Variants in ARHGAP26 observed in about 807,000 individuals in gnomAD.
The protein encoded by ARHGAP26 is Rho GTPase activating protein 26.
Under a neutral mutation model 104.8 loss-of-function variants are expected in ARHGAP26, and 38 were observed. That is an observed-to-expected ratio of 0.36 (90% CI 0.28 to 0.48). The LOEUF is 0.48. Ranked by LOEUF, ARHGAP26 falls within the 20% of genes least tolerant of loss-of-function variation. ARHGAP26 has a pLI of 0.99. For missense variants in ARHGAP26, 704 were observed against 947.9 expected (o/e 0.74, Z 3.38); for synonymous variants, 341 against 340.0 (o/e 1.00, Z -0.03).
At chr5:143,058,592 A>G (rs1786214831) in intron 17 of ARHGAP26, among the ~76,000 whole-genome samples, 2 of 152,224 alleles carry the variant, frequency 1.3e-5, no homozygotes, top group Admixed American at 6.5e-5. Flanking sequence ...GTTAACCTAA[A>G]TTATTAAACC....
intron 17 of ARHGAP26, among the ~76,000 whole-genome samples, chr5:143,097,645 C>T (rs1792588756): frequency 6.6e-6 from 1 of 151,750 alleles, no homozygotes; most frequent in Non-Finnish European, 1.5e-5. Context: ...ACGGTGAAAC[C>T]CCGTCTCTAC....
chr5:142,832,740 C>A, intron 1 of ARHGAP26, among the ~76,000 whole-genome samples: 1 of 152,194 alleles, frequency 6.6e-6, no homozygotes, highest in South Asian at 2.1e-4. Flanking sequence ...TTACAAAGAT[C>A]ATGAAGAGCT....
At chr5:142,870,451 G>T (rs1163007684) in intron 1 of ARHGAP26, among the ~76,000 whole-genome samples, 3 of 152,196 alleles carry the variant, frequency 2.0e-5, no homozygotes, top group Non-Finnish European at 4.4e-5. Flanking sequence ...GTGGTATGGT[G>T]TTCCCACATA....
chr5:143,030,597 A>G (rs1037771126), intron 12 of ARHGAP26, among the ~76,000 whole-genome samples: 1 of 147,866 alleles, frequency 6.8e-6, no homozygotes, highest in African/African-American at 2.7e-5. Context: ...CCTTTATATC[A>G]TCACAAAAAA....
chr5:143,046,339 C>T (rs942538701), intron 14 of ARHGAP26, among the ~76,000 whole-genome samples: 6 of 152,118 alleles, frequency 3.9e-5, no homozygotes, highest in Admixed American at 1.3e-4. Context: ...AAACCAGAGA[C>T]TTTTTTTGAA....
At chr5:142,825,565 A>G (rs576149158) in intron 1 of ARHGAP26, among the ~76,000 whole-genome samples, 17 of 152,158 alleles carry the variant, frequency 1.1e-4, no homozygotes, top group Non-Finnish European at 2.2e-4. Flanking sequence ...AGGCTCCTTG[A>G]TTTAATTTGT....
At chr5:143,029,117 T>A (rs1781483976) in intron 12 of ARHGAP26, among the ~76,000 whole-genome samples, 1 of 152,186 alleles carries the variant, frequency 6.6e-6, no homozygotes. Context: ...GCCCTTCTAG[T>A]CTTCCCTCTG....
At chr5:142,894,166 T>G (rs1759134644) in intron 5 of ARHGAP26, 72 bp from the exon 6 acceptor site, 5 of 1,259,670 alleles carry the variant, frequency 4.0e-6, no homozygotes, top group African/African-American at 3.0e-5. Flanking sequence ...ATTTTTTTTT[T>G]CTGACCTGCT....
chr5:143,012,556 T>TATATATATATATATACAC (rs1554195661), intron 11 of ARHGAP26, among the ~76,000 whole-genome samples: 1 of 59,110 alleles, frequency 1.7e-5, no homozygotes, highest in Non-Finnish European at 4.1e-5. Context: ...TACATACATA[T>TATATATATATATATACAC]ATATATATAT....
At chr5:142,870,205 T>C (rs952725828) in intron 1 of ARHGAP26, among the ~76,000 whole-genome samples, 1 of 152,182 alleles carries the variant, frequency 6.6e-6, no homozygotes, top group Non-Finnish European at 1.5e-5. Flanking sequence ...GCCTCTTCTC[T>C]TTTCTCTCTC....
At chr5:142,878,222 T>C (rs1756403264) in intron 3 of ARHGAP26, among the ~76,000 whole-genome samples, 1 of 152,218 alleles carries the variant, frequency 6.6e-6, no homozygotes, top group Non-Finnish European at 1.5e-5. Flanking sequence ...AATAATTAGT[T>C]GAGCGAAGAG....
At chr5:143,206,901 C>T (rs1216102659) in intron 20 of ARHGAP26, among the ~76,000 whole-genome samples, 2 of 152,216 alleles carry the variant, frequency 1.3e-5, no homozygotes, top group African/African-American at 4.8e-5. Flanking sequence ...AACTCATGTG[C>T]GTGGGCTCAG....
rs564844105 is a variant in ARHGAP26 at position 142,861,539 on chromosome 5, C to T, written c.155-11861C>T. On this transcript the variant is annotated intron_variant, in intron 1 of 22. Coordinates refer to ENST00000645722, the MANE Select transcript of ARHGAP26 (RefSeq NM_001135608.3). ...GGATTCAGTTTTGATCCTAATTATG[C>T]TGTGTGGACTGACGGTGAGGAGGGC... Among the ~76,000 whole-genome samples the T allele has an allele frequency of 2.3e-4, 35 of 152,180 alleles. 1 individual carries two copies. Among genetic ancestry groups the T allele is most frequent in the African/African-American group, 8.4e-4 (35 of 41,534 alleles).
At chr5:142,990,439 A>T (rs1775418971) in intron 11 of ARHGAP26, among the ~76,000 whole-genome samples, 1 of 152,138 alleles carries the variant, frequency 6.6e-6, no homozygotes, top group Admixed American at 6.6e-5. Context: ...CTTACCGATC[A>T]TCTCAAGCCT....
At chr5:143,060,455 G>A (rs1403450417) in intron 17 of ARHGAP26, among the ~76,000 whole-genome samples, 1 of 152,046 alleles carries the variant, frequency 6.6e-6, no homozygotes, top group Non-Finnish European at 1.5e-5. Flanking sequence ...AAAAGTATTG[G>A]GTGGGGGGAA....
chr5:142,897,501 TCA>T (rs1161885965), intron 6 of ARHGAP26, among the ~76,000 whole-genome samples: 1 of 152,216 alleles, frequency 6.6e-6, no homozygotes, highest in African/African-American at 2.4e-5. Context: ...TCAGTGATTC[TCA>T]GTGTTAGACA....
intron 20 of ARHGAP26, among the ~76,000 whole-genome samples, chr5:143,180,228 C>T (rs1158825139): frequency 1.3e-5 from 2 of 152,088 alleles, no homozygotes; most frequent in Non-Finnish European, 1.5e-5. Context: ...TGGGTTCAAG[C>T]GATTCCCCTG....
intron 17 of ARHGAP26, among the ~76,000 whole-genome samples, chr5:143,095,167 A>G (rs1792120579): frequency 2.7e-5 from 4 of 150,382 alleles, no homozygotes; most frequent in African/African-American, 9.7e-5. Context: ...ACTATATAAT[A>G]TATATGTATA....
At chr5:143,029,585 T>G (rs1380731745) in intron 12 of ARHGAP26, among the ~76,000 whole-genome samples, 1 of 151,786 alleles carries the variant, frequency 6.6e-6, no homozygotes, top group Admixed American at 6.6e-5. Context: ...TTTTTTAACC[T>G]TTTTGTAGAG....
Sources: gnomAD v4.1 joint callset for allele counts (sites outside exome capture counted in the v4.1 genomes callset) on GRCh38, gnomAD v4.1.1 for gene constraint, MANE v1.5 for transcripts, NCBI Gene and HGNC (gene_info 2026-07-23, HGNC 2026-07-21) for gene names.